CLIP1: variants seen among roughly 807,000 people sequenced by gnomAD.
CLIP1 encodes the protein CAP-Gly domain-containing linker protein 1.
In CLIP1, 66 loss-of-function variants were observed where a neutral mutation model predicts 161.6. The ratio of observed to expected loss-of-function variants is 0.41; its 90% CI spans 0.33 to 0.50. CLIP1 has a LOEUF of 0.50. Among genes scored for constraint, CLIP1 ranks in the 20% least tolerant of loss-of-function variants. The pLI is 0.27. For synonymous variants in CLIP1, 598 were observed against 626.2 expected (o/e 0.96, Z 0.67); for missense variants, 1,376 against 1,702.0 (o/e 0.81, Z 3.37).
chr12:122,336,824 A>G (rs1223450999), intron 11 of CLIP1, 76 bp from the exon 12 acceptor site: 12 of 617,398 alleles, frequency 1.9e-5, no homozygotes, highest in Non-Finnish European at 2.9e-5. Flanking sequence ...AAAAAAATAA[A>G]CAAATGTAAA....
chr12:122,317,429 G>A (rs1345336888), intron 18 of CLIP1, among the ~76,000 whole-genome samples: 1 of 152,102 alleles, frequency 6.6e-6, no homozygotes, highest in African/African-American at 2.4e-5. Context: ...GGGACTGAAG[G>A]GCACTTACAC....
intron 21 of CLIP1, among the ~76,000 whole-genome samples, chr12:122,287,279 T>C (rs188475918): frequency 6.3e-4 from 96 of 152,214 alleles, no homozygotes; most frequent in Non-Finnish European, 4.3e-4. Context: ...TCTAAATAAA[T>C]AAAGCCCTCA....
intron 1 of CLIP1, among the ~76,000 whole-genome samples, chr12:122,385,528 TAG>T (rs1955218371): frequency 6.6e-6 from 1 of 152,086 alleles, no homozygotes; most frequent in Non-Finnish European, 1.5e-5. Context: ...AGGTGGTGGT[TAG>T]AGTGAGAAGA....
intron 17 of CLIP1, among the ~76,000 whole-genome samples, chr12:122,319,628 T>C (rs1951407378): frequency 6.6e-6 from 1 of 152,254 alleles, no homozygotes; most frequent in Non-Finnish European, 1.5e-5. Flanking sequence ...AAGTTCCAAA[T>C]GACACTGGCA....
chr12:122,334,713 A>C lies in CLIP1; in HGVS notation c.2569-8T>G. 1 of 1,544,360 alleles carries C rather than the reference A, an allele frequency of 6.5e-7. No homozygotes were observed. On this transcript the variant is annotated splice_region_variant and splice_polypyrimidine_tract_variant and intron_variant, in intron 12 of 25. Transcript: ENST00000620786. Reference sequence around the variant, plus strand: ...TTCAGCAAACTTTTCTTTCTAAAGAAAAAGAATGAGAGATTCTGAACAGAA... The same window carrying C: ...TTCAGCAAACTTTTCTTTCTAAAGACAAAGAATGAGAGATTCTGAACAGAA...
rs184629641 is a variant in CLIP1 at position 122,297,205 on chromosome 12, T to C, written c.3595-8664A>G. 2.2e-3 allele frequency among the ~76,000 whole-genome samples: 333 copies of C among 152,274 alleles called. 1 individual carries two copies. Among genetic ancestry groups the C allele is most frequent in the Middle Eastern group, 3.4e-3 (1 of 294 alleles). On this transcript the variant is annotated intron_variant, in intron 20 of 25. Coordinates refer to ENST00000620786, the MANE Select transcript of CLIP1 (RefSeq NM_001247997.2). ...CATAACCCTATTTTGTAAATAAACA[T>C]GGTGGGTACTTGGTTTTATGTCTGT...
At chr12:122,321,734 G>A (rs1951513110) in intron 17 of CLIP1, among the ~76,000 whole-genome samples, 1 of 152,116 alleles carries the variant, frequency 6.6e-6, no homozygotes, top group South Asian at 2.1e-4. Flanking sequence ...GCCCAGGCTG[G>A]TCTCGAACTC....
intron 21 of CLIP1, among the ~76,000 whole-genome samples, chr12:122,286,716 A>T (rs1955871345): frequency 6.6e-6 from 1 of 151,244 alleles, no homozygotes; most frequent in Non-Finnish European, 1.5e-5. Context: ...AAAATTTTTA[A>T]AGCCGGGTGC....
At chr12:122,309,143 A>G (rs1950978190) in intron 20 of CLIP1, among the ~76,000 whole-genome samples, 1 of 152,234 alleles carries the variant, frequency 6.6e-6, no homozygotes, top group African/African-American at 2.4e-5. Flanking sequence ...GCCATGTTTA[A>G]TCAACTTCTA....
chr12:122,309,576 T>C (rs1950992897), intron 20 of CLIP1, among the ~76,000 whole-genome samples, 186 bp downstream of exon 20: 1 of 152,074 alleles, frequency 6.6e-6, no homozygotes, highest in Non-Finnish European at 1.5e-5. Flanking sequence ...CTGTCAAATC[T>C]CTCCTACCCT....
rs10661606 is a variant in CLIP1, at chr12:122,379,944, T to TA, written c.85+423dup. Among the ~76,000 whole-genome samples the TA allele has an allele frequency of 3.2e-3, 320 of 99,728 alleles. 6 individuals are homozygous for TA. The highest frequency in any genetic ancestry group is 0.011 in the African/African-American group (299 of 26,200). The allele number at this position is 99,728 out of a possible 152,430, so 65.4% of individuals were successfully genotyped here. On this transcript the variant is annotated intron_variant, in intron 2 of 25. Coordinates refer to ENST00000620786, the MANE Select transcript of CLIP1 (RefSeq NM_001247997.2). ...GGGGAATAGAGCAAGACTCCATCTT[T>TA]AAAAAAAAAAAAAAAAAATGCAAGG...
At chr12:122,282,117 C>T (rs779730162) in intron 21 of CLIP1, among the ~76,000 whole-genome samples, 3 of 152,192 alleles carry the variant, frequency 2.0e-5, no homozygotes, top group South Asian at 2.1e-4. Context: ...GTTACCAACA[C>T]GTGCATGGTT....
intron 1 of CLIP1, among the ~76,000 whole-genome samples, chr12:122,409,044 C>T (rs908774170): frequency 9.2e-5 from 14 of 152,020 alleles, no homozygotes; most frequent in Admixed American, 7.9e-4. Context: ...CTCCTGGCCT[C>T]GGGTGATCCG....
chr12:122,363,879 C>A, intron 4 of CLIP1, 104 bp downstream of exon 4: 1 of 1,510,674 alleles, frequency 6.6e-7, no homozygotes. Flanking sequence ...AAGTGCCACT[C>A]TTCCAAACAC....
chr12:122,408,640 G>A (rs979099093), intron 1 of CLIP1, among the ~76,000 whole-genome samples: 3 of 151,702 alleles, frequency 2.0e-5, no homozygotes, highest in South Asian at 2.1e-4. Context: ...GAGCTACCGC[G>A]CCCAGCCTAT....
chr12:122,406,201 T>G (rs913288244), intron 1 of CLIP1, among the ~76,000 whole-genome samples: 1 of 152,168 alleles, frequency 6.6e-6, no homozygotes, highest in Non-Finnish European at 1.5e-5. Context: ...TCCCAACACT[T>G]TGGGAGGCCA....
At chr12:122,343,396 G>A (rs1243430934) in intron 10 of CLIP1, 4 of 152,166 alleles carry the variant, frequency 2.6e-5, no homozygotes, top group Non-Finnish European at 5.9e-5. Flanking sequence ...GCCTCCCAAA[G>A]TGCTGGGATT....
chr12:122,287,637 T>C (rs1304466986), intron 21 of CLIP1, among the ~76,000 whole-genome samples: 6 of 152,174 alleles, frequency 3.9e-5, no homozygotes, highest in Admixed American at 1.3e-4. Context: ...CTTATCAGCT[T>C]ATAGAAGCAT....
chr12:122,362,191 A>G, intron 4 of CLIP1, among the ~76,000 whole-genome samples: 1 of 151,080 alleles, frequency 6.6e-6, no homozygotes, highest in Non-Finnish European at 1.5e-5. Flanking sequence ...TGATCTCGTG[A>G]TCTGCCCACC....
Sources: allele counts gnomAD v4.1 joint callset (sites outside exome capture counted in the v4.1 genomes callset), GRCh38; gene constraint gnomAD v4.1.1; transcripts MANE v1.5; gene names NCBI Gene and HGNC (gene_info 2026-07-23, HGNC 2026-07-21).